MAP3K4: variants seen among roughly 807,000 people sequenced by gnomAD.
The protein encoded by MAP3K4 is mitogen-activated protein kinase kinase kinase 4, also known as MAP three kinase 1.
Under a neutral mutation model 185.6 loss-of-function variants are expected in MAP3K4, and 67 were observed. The observed-to-expected ratio is 0.36, with a 90% CI of 0.30 to 0.44. The LOEUF is 0.44. Among genes scored for constraint, MAP3K4 ranks in the 20% least tolerant of loss-of-function variants. MAP3K4 has a pLI of 1.00. For missense variants in MAP3K4, 1,551 were observed against 1,995.1 expected (o/e 0.78, Z 4.24); for synonymous variants, 702 against 710.4 (o/e 0.99, Z 0.19).
rs1394405749 is a variant in MAP3K4, at chr6:161,100,141, C to T, written c.3674+1714C>T. 1.3e-5 allele frequency among the ~76,000 whole-genome samples: 2 copies of T among 152,198 alleles called. No individual in the cohort carries two copies. Among genetic ancestry groups the T allele is most frequent in the Non-Finnish European group, 2.9e-5 (2 of 68,046 alleles). Reference sequence around the variant, plus strand: ...TACCAGACTCCCTCCTGCATTCAAGCCCTGCGTAAGCCTCAGTGCCTTCAC... The same window carrying T: ...TACCAGACTCCCTCCTGCATTCAAGTCCTGCGTAAGCCTCAGTGCCTTCAC... On this transcript the variant is annotated intron_variant, in intron 17 of 26. Transcript: ENST00000392142. The surrounding 1 kb of genome is among the most constrained non-coding windows in gnomAD (Gnocchi z 5.8).
intron 23 of MAP3K4, among the ~76,000 whole-genome samples, chr6:161,111,498 C>T (rs1257813843): frequency 6.6e-6 from 1 of 152,222 alleles, no homozygotes; most frequent in Admixed American, 6.5e-5. Flanking sequence ...ACACATCTCT[C>T]ATTCTCCAGA....
intron 1 of MAP3K4, among the ~76,000 whole-genome samples, chr6:161,016,713 A>G (rs1782131960): frequency 6.6e-6 from 1 of 152,216 alleles, no homozygotes; most frequent in African/African-American, 2.4e-5. Flanking sequence ...GTCTGTCCTT[A>G]TGCCATTATC....
intron 5 of MAP3K4, among the ~76,000 whole-genome samples, chr6:161,078,648 C>G (rs1785291827): frequency 6.6e-6 from 1 of 152,006 alleles, no homozygotes; most frequent in Non-Finnish European, 1.5e-5. Flanking sequence ...AAGGTGGAAC[C>G]CCATCAAAAG....
intron 6 of MAP3K4, 29 bp downstream of exon 6, chr6:161,081,067 C>G (rs371303434): frequency 4.4e-6 from 7 of 1,607,388 alleles, no homozygotes; most frequent in East Asian, 4.5e-5. Context: ...CTGAACGCGA[C>G]GCTCCCACCT....
In MAP3K4 at chr6:161,116,684, C is replaced by T. The variant is rs1778601894; in HGVS notation, c.4807-166C>T. 6.6e-6 allele frequency among the ~76,000 whole-genome samples: 1 copy of T among 152,234 alleles called. No individual in the cohort carries two copies. Among genetic ancestry groups the T allele is most frequent in the Non-Finnish European group, 1.5e-5 (1 of 68,038 alleles). On this transcript the variant is annotated intron_variant, in intron 26 of 26. Transcript: ENST00000392142. The surrounding 1 kb of genome is among the most constrained non-coding windows in gnomAD (Gnocchi z 6.2). Reference sequence around the variant, plus strand: ...TTAACTTTAGAGCAGTAACTTACCTCTGCCATTGTTCATTACATTTCTTAA... The same window carrying T: ...TTAACTTTAGAGCAGTAACTTACCTTTGCCATTGTTCATTACATTTCTTAA...
intron 25 of MAP3K4, among the ~76,000 whole-genome samples, chr6:161,113,864 C>G (rs1206759573): frequency 8.6e-6 from 1 of 116,610 alleles, no homozygotes; most frequent in East Asian, 2.9e-4. Flanking sequence ...GTGGCATGAT[C>G]TCGGCTCACT....
In MAP3K4 at chr6:161,093,569, G is replaced by T. The variant is rs775196902; in HGVS notation, c.3349-204G>T. Among the ~76,000 whole-genome samples the T allele has an allele frequency of 1.3e-5, 2 of 152,080 alleles. No homozygotes were observed. The highest frequency in any genetic ancestry group is 1.3e-4 in the Admixed American group (2 of 15,280). On this transcript the variant is annotated intron_variant, in intron 14 of 26. Transcript: ENST00000392142. The surrounding 1 kb of genome is among the most constrained non-coding windows in gnomAD (Gnocchi z 5.2). ...GTTATGGGAAATTGACAGCTAATTT[G>T]CTTTTACTTATAAAAATGAAATACA...
rs1781022456 is a variant in MAP3K4 at position 160,996,948 on chromosome 6, A to C, written c.152+4865A>C. Among the ~76,000 whole-genome samples, 1 of 152,174 alleles carries C rather than the reference A, an allele frequency of 6.6e-6. No homozygotes were observed. The highest frequency in any genetic ancestry group is 1.5e-5 in the Non-Finnish European group (1 of 68,020). On this transcript the variant is annotated intron_variant, in intron 1 of 26. Transcript: ENST00000392142. The surrounding 1 kb of genome is among the most constrained non-coding windows in gnomAD (Gnocchi z 4.5). ...CTAGCAGGTGCACCCCTGCTTCTGA[A>C]TGAGAGGCAGTGTGATCCAGACTTA...
chr6:161,066,613 G>A (rs763682632), intron 3 of MAP3K4, among the ~76,000 whole-genome samples: 1 of 152,052 alleles, frequency 6.6e-6, no homozygotes, highest in Non-Finnish European at 1.5e-5. Flanking sequence ...CATTAAATCG[G>A]TATTAATTGA....
At chr6:161,013,333 T>C (rs1472325969) in intron 1 of MAP3K4, among the ~76,000 whole-genome samples, 1 of 152,232 alleles carries the variant, frequency 6.6e-6, no homozygotes, top group Non-Finnish European at 1.5e-5. Context: ...GCAGCTTTTC[T>C]TCATGAGCCT....
At position 161,098,549 on chromosome 6, in the gene MAP3K4, T is replaced by TACG; in HGVS notation, c.3674+122_3674+123insACG. 3.3e-6 allele frequency: 4 copies of TACG among 1,214,350 alleles called. No individual in the cohort carries two copies. The highest frequency in any genetic ancestry group is 4.5e-6 in the Non-Finnish European group (4 of 881,536). 75.2% of individuals were successfully genotyped at this position (1,214,350 alleles called of 1,614,324 possible). A position where few individuals can be genotyped will look rare whatever the true frequency, so the allele number is the denominator to read the frequency against. Reference sequence around the variant, plus strand: ...CTTCTTTGCTGTGGCGTGTGAGTGATGCTCTAGGGCCTTCCGCAGGTTGTC... The same window carrying TACG: ...CTTCTTTGCTGTGGCGTGTGAGTGATACGGCTCTAGGGCCTTCCGCAGGTTGTC... On this transcript the variant is annotated intron_variant, in intron 17 of 26. Coordinates refer to ENST00000392142, the MANE Select transcript of MAP3K4 (RefSeq NM_005922.4). This position sits in a 1 kb window ranked among gnomAD's most constrained non-coding sequence, Gnocchi z 4.4.
chr6:161,026,723 G>A (rs1271485149), intron 1 of MAP3K4, among the ~76,000 whole-genome samples: 1 of 141,876 alleles, frequency 7.0e-6, no homozygotes, highest in Admixed American at 6.9e-5. Flanking sequence ...TGCCCAAAGG[G>A]TTCTCTCTCC....
intron 2 of MAP3K4, among the ~76,000 whole-genome samples, chr6:161,040,801 A>G (rs1038348155): frequency 5.3e-5 from 8 of 152,228 alleles, no homozygotes; most frequent in African/African-American, 1.9e-4. Context: ...AATGTCAACA[A>G]GTTTGTTCAG....
In MAP3K4 at chr6:161,049,475, A is replaced by G. The variant is rs761370369; in HGVS notation, c.1203A>G (p.Lys401=). The change falls in exon 3 of 27, where the codon AAA becomes AAG. Residue 401 remains lysine, a synonymous_variant. Coordinates refer to ENST00000392142, the MANE Select transcript of MAP3K4 (RefSeq NM_005922.4). The surrounding 1 kb of genome is among the most constrained non-coding windows in gnomAD (Gnocchi z 8.4). Reference sequence around the variant, plus strand: ...TCTGTTTGTGGTTAAACATCACAAAAGACTTAAATCAGAAATTAAGGATTA... The same window carrying G: ...TCTGTTTGTGGTTAAACATCACAAAGGACTTAAATCAGAAATTAAGGATTA... The part of the protein sequence containing the change: ...QALCLWLNIT[K]DLNQKLRIMG... 2 of 1,614,206 alleles carry G rather than the reference A, an allele frequency of 1.2e-6. No homozygotes were observed. The highest frequency in any genetic ancestry group is 2.2e-5 in the South Asian group (2 of 91,088).
intron 3 of MAP3K4, among the ~76,000 whole-genome samples, chr6:161,066,076 A>G (rs927203995): frequency 6.6e-6 from 1 of 152,158 alleles, no homozygotes; most frequent in Non-Finnish European, 1.5e-5. Context: ...TGCGCAACCT[A>G]TATAAGTTTT....
chr6:161,025,403 C>G (rs1238813711), intron 1 of MAP3K4, among the ~76,000 whole-genome samples: 1 of 152,222 alleles, frequency 6.6e-6, no homozygotes, highest in Non-Finnish European at 1.5e-5. Flanking sequence ...TTTGCCTTCC[C>G]TACTCTAGTG....
Position 161,098,184 on chromosome 6 carries a change from A to G in MAP3K4, c.3525-94A>G. 2.3e-6 allele frequency: 3 copies of G among 1,311,024 alleles called. No homozygotes were observed. The highest frequency in any genetic ancestry group is 3.1e-6 in the Non-Finnish European group (3 of 958,988). 81.2% of individuals were successfully genotyped at this position (1,311,024 alleles called of 1,614,324 possible). A position where few individuals can be genotyped will look rare whatever the true frequency, so the allele number is the denominator to read the frequency against. On this transcript the variant is annotated intron_variant, in intron 16 of 26. Transcript: ENST00000392142. This position sits in a 1 kb window ranked among gnomAD's most constrained non-coding sequence, Gnocchi z 4.4. ...CATTTTATATTTTTAAATATATTTC[A>G]CCCCCTTGCCATATTTTATTTTTAA...
intron 1 of MAP3K4, among the ~76,000 whole-genome samples, chr6:160,995,842 T>C (rs182791380): frequency 3.3e-5 from 5 of 152,336 alleles, no homozygotes; most frequent in African/African-American, 7.2e-5. Flanking sequence ...ATATTAAGGC[T>C]GATATAATGC....
At position 161,115,367 on chromosome 6, in the gene MAP3K4, C is replaced by T. The variant is rs1021178688; in HGVS notation, c.4806+65C>T. 177 of 1,468,676 alleles carry T rather than the reference C, an allele frequency of 1.2e-4. No individual in the cohort carries two copies. The highest frequency in any genetic ancestry group is 2.2e-4 in the Admixed American group (10 of 45,866). 91.0% of individuals were successfully genotyped at this position (1,468,676 alleles called of 1,614,324 possible). On this transcript the variant is annotated intron_variant, in intron 26 of 26. Transcript: ENST00000392142. This position sits in a 1 kb window ranked among gnomAD's most constrained non-coding sequence, Gnocchi z 6.0. ...GTTTAAGTTCTGTTTTGCATCAAGA[C>T]GTTAATGAAATTTTGAAACTTTAAA... is the stretch of plus-strand genomic sequence containing the variant.
Sources: gnomAD v4.1 joint callset for allele counts (sites outside exome capture counted in the v4.1 genomes callset) on GRCh38, gnomAD v4.1.1 for gene constraint, Gnocchi (gnomAD v3.1) non-coding constraint, MANE v1.5 for transcripts, NCBI Gene and HGNC (gene_info 2026-07-23, HGNC 2026-07-21) for gene names.